The following TPRG1 variants were observed in gnomAD, a reference collection of about 807,000 sequenced individuals.
The protein encoded by TPRG1 is tumor protein p63 regulated 1, also known as tumor protein p63-regulated gene 1 protein.
TPRG1 carries 29 observed loss-of-function variants against 29.3 expected under a neutral mutation model. That is an observed-to-expected ratio of 0.99 (90% CI 0.74 to 1.35). TPRG1 has a LOEUF of 1.35. Among genes scored for constraint, TPRG1 ranks in the 40% most tolerant of loss-of-function variants. The pLI is 0.00. For missense variants in TPRG1, 327 were observed against 335.0 expected (o/e 0.98, Z 0.19); for synonymous variants, 130 against 116.8 (o/e 1.11, Z -0.73).
At chr3:189,123,698 A>G (rs1164642448) in intron 1 of TPRG1, 1 of 152,194 alleles carries the variant, frequency 6.6e-6, no homozygotes. Flanking sequence ...CAGCATTTAT[A>G]AGGTACAACA....
intron 3 of TPRG1, among the ~76,000 whole-genome samples, chr3:189,220,061 A>C (rs562662948): frequency 6.6e-6 from 1 of 152,194 alleles, no homozygotes; most frequent in Non-Finnish European, 1.5e-5. Flanking sequence ...ACTACTTACT[A>C]TCAGTAAAGC....
intron 4 of TPRG1, among the ~76,000 whole-genome samples, chr3:189,147,830 G>A (rs1276814760): frequency 6.6e-6 from 1 of 152,252 alleles, no homozygotes; most frequent in East Asian, 1.9e-4. Flanking sequence ...AGATGGGGGT[G>A]GGCAGGAGGT....
chr3:189,069,245 G>A lies in TPRG1; in HGVS notation c.-463+45299G>A, dbSNP rs78392194. ...GAATTATGGTGACTGAAGGAAAAAA[G>A]CCAATTCCAGAAGTTATATTTTATA... On this transcript the variant is annotated intron_variant, in intron 4 of 10. Coordinates refer to the TPRG1 transcript ENST00000433971. Among the ~76,000 whole-genome samples, 55 of 152,244 alleles carry A rather than the reference G, an allele frequency of 3.6e-4. 1 individual carries two copies. The East Asian group carries it at 9.7e-3, about 27-fold the overall frequency.
intron 1 of TPRG1, chr3:189,190,993 CT>C (rs1934364311): frequency 1.0e-6 from 1 of 985,232 alleles, no homozygotes; most frequent in East Asian, 1.1e-4. Flanking sequence ...ACAGGTAGGT[CT>C]TTTAATTTTC....
At chr3:189,017,071 C>T (rs529521718) in intron 3 of TPRG1, among the ~76,000 whole-genome samples, 1 of 152,104 alleles carries the variant, frequency 6.6e-6, no homozygotes, top group South Asian at 2.1e-4. Flanking sequence ...TTCAGGTACC[C>T]CAATCAGTTG....
At chr3:189,286,984 A>G (rs576909687) in intron 4 of TPRG1, among the ~76,000 whole-genome samples, 1 of 152,172 alleles carries the variant, frequency 6.6e-6, no homozygotes, top group African/African-American at 2.4e-5. Context: ...AGATTAACAG[A>G]GGCTTATACA....
chr3:189,230,472 C>G (rs1361490669), intron 3 of TPRG1, among the ~76,000 whole-genome samples: 2 of 152,130 alleles, frequency 1.3e-5, no homozygotes, highest in Non-Finnish European at 2.9e-5. Flanking sequence ...TGTGATCTGG[C>G]TTCTGCCCCA....
intron 4 of TPRG1, among the ~76,000 whole-genome samples, chr3:189,253,209 C>T (rs116534458): frequency 6.6e-6 from 1 of 152,120 alleles, no homozygotes; most frequent in Non-Finnish European, 1.5e-5. Flanking sequence ...CCTCACCCCC[C>T]AACTGGCCCT....
chr3:189,136,600 G>A (rs540196758), intron 3 of TPRG1, among the ~76,000 whole-genome samples: 1 of 152,256 alleles, frequency 6.6e-6, no homozygotes, highest in South Asian at 2.1e-4. Flanking sequence ...ACAAAGATAA[G>A]TTTACTTTAA....
At chr3:189,298,825 A>G (rs1282597264) in intron 4 of TPRG1, among the ~76,000 whole-genome samples, 2 of 152,242 alleles carry the variant, frequency 1.3e-5, no homozygotes, top group African/African-American at 4.8e-5. Flanking sequence ...AAATGAATGT[A>G]TCATGTATCT....
upstream of TPRG1, among the ~76,000 whole-genome samples, chr3:189,097,520 C>T (rs1560441809): frequency 6.6e-6 from 1 of 152,084 alleles, no homozygotes; most frequent in Non-Finnish European, 1.5e-5. Context: ...CAGCAGAAGC[C>T]CTTCGTGCAT....
chr3:189,296,804 T>A (rs73184461), intron 4 of TPRG1, among the ~76,000 whole-genome samples: 1,907 of 152,282 alleles, frequency 0.013, 11 homozygotes, highest in Middle Eastern at 0.024. Flanking sequence ...ATAAAAGTGT[T>A]GTATCACTGT....
intron 1 of TPRG1, among the ~76,000 whole-genome samples, chr3:189,107,690 C>G (rs1000505552): frequency 6.6e-6 from 1 of 152,080 alleles, no homozygotes; most frequent in Admixed American, 6.6e-5. Context: ...TAGCACTAAC[C>G]TGCTTTAAAT....
chr3:189,220,641 T>A (rs758128397), intron 3 of TPRG1, among the ~76,000 whole-genome samples: 8 of 152,182 alleles, frequency 5.3e-5, no homozygotes, highest in Non-Finnish European at 1.0e-4. Flanking sequence ...TATGTGTCCA[T>A]GTGTTCTCAT....
chr3:189,122,791 G>A (rs1342780403), intron 1 of TPRG1, among the ~76,000 whole-genome samples: 1 of 152,086 alleles, frequency 6.6e-6, no homozygotes, highest in Non-Finnish European at 1.5e-5. Context: ...TTGTTCCTAC[G>A]GTAACTATGT....
At chr3:189,218,903 T>C (rs1736504485) in intron 3 of TPRG1, among the ~76,000 whole-genome samples, 2 of 152,132 alleles carry the variant, frequency 1.3e-5, no homozygotes, top group African/African-American at 4.8e-5. Flanking sequence ...AAGGTGGGAA[T>C]TGTCAAGAGA....
At chr3:189,247,648 A>G (rs964795841) in intron 4 of TPRG1, among the ~76,000 whole-genome samples, 6 of 151,820 alleles carry the variant, frequency 4.0e-5, no homozygotes, top group South Asian at 2.1e-4. Context: ...TCACTTATCA[A>G]TTGTGTCTGT....
At chr3:189,023,228 C>T (rs1338038494) in intron 3 of TPRG1, among the ~76,000 whole-genome samples, 4 of 152,210 alleles carry the variant, frequency 2.6e-5, no homozygotes, top group Non-Finnish European at 5.9e-5. Flanking sequence ...GGAGCTGTTC[C>T]TATTCGGCCA....
chr3:188,999,451 C>A (rs1219118685), intron 1 of TPRG1, among the ~76,000 whole-genome samples: 1 of 152,194 alleles, frequency 6.6e-6, no homozygotes, highest in African/African-American at 2.4e-5. Flanking sequence ...TATTTCTCCA[C>A]CACAGTATGG....
Sources: gnomAD v4.1 joint callset for allele counts (sites outside exome capture counted in the v4.1 genomes callset) on GRCh38, gnomAD v4.1.1 for gene constraint, MANE v1.5 for transcripts, NCBI Gene and HGNC (gene_info 2026-07-23, HGNC 2026-07-21) for gene names.